BCL2L13: variants seen among roughly 807,000 people sequenced by gnomAD.
BCL2L13 encodes BCL2 like 13.
In BCL2L13, 13 loss-of-function variants were observed where a neutral mutation model predicts 25.8. That is an observed-to-expected ratio of 0.50 (90% CI 0.33 to 0.80). BCL2L13 has a LOEUF of 0.80. Ranked by LOEUF, BCL2L13 falls within the 30% of genes least tolerant of loss-of-function variation. BCL2L13 has a pLI of 0.02. For missense variants in BCL2L13, 504 were observed against 574.9 expected (o/e 0.88, Z 1.26); for synonymous variants, 244 against 230.3 (o/e 1.06, Z -0.54).
intron 2 of BCL2L13, among the ~76,000 whole-genome samples, chr22:17,665,352 C>T (rs1007134946): frequency 6.6e-6 from 1 of 152,184 alleles, no homozygotes; most frequent in Non-Finnish European, 1.5e-5. Context: ...GCATTTTGGT[C>T]AAAACCATTC....
chr22:17,713,186 C>T (rs1231237250), intron 6 of BCL2L13, among the ~76,000 whole-genome samples: 1 of 152,148 alleles, frequency 6.6e-6, no homozygotes, highest in Non-Finnish European at 1.5e-5. Flanking sequence ...TCCCCAACTG[C>T]ATAACAGACT....
chr22:17,685,543 A>G (rs985837166), intron 3 of BCL2L13, among the ~76,000 whole-genome samples: 2 of 151,880 alleles, frequency 1.3e-5, no homozygotes, highest in African/African-American at 4.8e-5. Context: ...TAATGTTTTC[A>G]AGGGTCATCC....
intron 2 of BCL2L13, among the ~76,000 whole-genome samples, chr22:17,679,459 G>A (rs552325699): frequency 3.4e-4 from 52 of 151,612 alleles, no homozygotes; most frequent in South Asian, 4.2e-4. Context: ...TAGTAGAGAC[G>A]GGATTTCACC....
intron 2 of BCL2L13, among the ~76,000 whole-genome samples, chr22:17,664,497 A>C (rs561158682): frequency 1.6e-4 from 24 of 152,066 alleles, no homozygotes; most frequent in African/African-American, 5.1e-4. Context: ...CAGTGGATCT[A>C]CCATTCTGGG....
intron 5 of BCL2L13, among the ~76,000 whole-genome samples, chr22:17,699,467 A>G (rs1382850357): frequency 1.3e-5 from 2 of 152,228 alleles, no homozygotes; most frequent in Non-Finnish European, 2.9e-5. Context: ...ATAGTGTACG[A>G]AGAGATGTCA....
intron 6 of BCL2L13, among the ~76,000 whole-genome samples, chr22:17,713,039 C>T (rs182681592): frequency 7.4e-4 from 113 of 152,292 alleles, no homozygotes; most frequent in Admixed American, 3.5e-3. Flanking sequence ...AAATCGATTA[C>T]AGCAGAATTA....
At chr22:17,649,480 T>A (rs953720007) in intron 1 of BCL2L13, among the ~76,000 whole-genome samples, 12 of 152,200 alleles carry the variant, frequency 7.9e-5, no homozygotes, top group African/African-American at 2.9e-4. Context: ...TTTTTTATTT[T>A]CTAGCAAAAG....
At chr22:17,638,748 G>C (rs1485978997), upstream of BCL2L13, 1 of 1,231,622 alleles carries the variant, frequency 8.1e-7, no homozygotes, top group African/African-American at 1.6e-5. Context: ...GGCACGCCGG[G>C]GTGACCTCAC....
At chr22:17,640,309 T>C (rs1259712033) in intron 1 of BCL2L13, among the ~76,000 whole-genome samples, 1 of 152,118 alleles carries the variant, frequency 6.6e-6, no homozygotes, top group African/African-American at 2.4e-5. Flanking sequence ...CTGTTCTGTA[T>C]TTTTTTTCCA....
chr22:17,715,841 C>A (rs944572656), intron 6 of BCL2L13, among the ~76,000 whole-genome samples: 1 of 152,036 alleles, frequency 6.6e-6, no homozygotes, highest in Non-Finnish European at 1.5e-5. Context: ...CCTTGGACAA[C>A]AAAGACACAG....
At chr22:17,710,905 T>A (rs188770200) in intron 6 of BCL2L13, among the ~76,000 whole-genome samples, 21 of 151,966 alleles carry the variant, frequency 1.4e-4, no homozygotes, top group African/African-American at 3.4e-4. Context: ...AAAAAATAAA[T>A]AAATAAATCT....
At chr22:17,672,337 T>G (rs925130879) in intron 2 of BCL2L13, among the ~76,000 whole-genome samples, 24 of 152,240 alleles carry the variant, frequency 1.6e-4, no homozygotes, top group African/African-American at 5.8e-4. Flanking sequence ...TATTTTGCTC[T>G]GGGAGCTCTA....
rs2146505290 is a variant in BCL2L13, at chr22:17,655,902, C to T, written c.121+70C>T. The stretch of plus-strand genomic sequence containing the variant: ...ACTTTATATATAAAAGTATATGTAT[C>T]TAATTTATATGTGTGGTTATCAAAT... On this transcript the variant is annotated intron_variant, in intron 2 of 6. Transcript: ENST00000317582. 10 of 1,406,248 alleles carry T rather than the reference C, an allele frequency of 7.1e-6. No homozygotes were observed. In the South Asian group the frequency reaches 8.3e-5, roughly 12 times the overall value. The allele number at this position is 1,406,248 out of a possible 1,614,324, so 87.1% of individuals were successfully genotyped here. A position where few individuals can be genotyped will look rare whatever the true frequency, so the allele number is the denominator to read the frequency against.
At chr22:17,632,228 AT>A (rs2058042345) in intron 1 of BCL2L13, among the ~76,000 whole-genome samples, 2 of 152,034 alleles carry the variant, frequency 1.3e-5, no homozygotes, top group African/African-American at 4.8e-5. Flanking sequence ...ACATGCTGCC[AT>A]TTTTTCCATT....
chr22:17,695,385 G>A (rs755576650), intron 4 of BCL2L13, among the ~76,000 whole-genome samples: 1 of 152,030 alleles, frequency 6.6e-6, no homozygotes, highest in Non-Finnish European at 1.5e-5. Flanking sequence ...TCAGTGGTGC[G>A]ATCTCGGCTC....
intron 1 of BCL2L13, among the ~76,000 whole-genome samples, chr22:17,645,451 G>A (rs779061530): frequency 1.3e-5 from 2 of 150,104 alleles, no homozygotes; most frequent in Non-Finnish European, 2.9e-5. Context: ...CTAACTCCTG[G>A]CCTCAAGTAA....
In BCL2L13 at chr22:17,673,662, C is replaced by T. The variant is rs1195706338; in HGVS notation, c.122-9552C>T. On this transcript the variant is annotated intron_variant, in intron 2 of 6. Transcript: ENST00000317582. Reference sequence around the variant, plus strand: ...AAAGTGCTGGGATTACAGGCATGAGCCACTGCGCCCGGCCTTATTTCTTTT... The same window carrying T: ...AAAGTGCTGGGATTACAGGCATGAGTCACTGCGCCCGGCCTTATTTCTTTT... Among the ~76,000 whole-genome samples, 5 of 152,108 alleles carry T rather than the reference C, an allele frequency of 3.3e-5. No individual in the cohort carries two copies. The East Asian group carries it at 9.6e-4, about 29-fold the overall frequency.
intron 6 of BCL2L13, among the ~76,000 whole-genome samples, chr22:17,712,566 A>T (rs1229798888): frequency 6.6e-6 from 1 of 152,236 alleles, no homozygotes; most frequent in East Asian, 1.9e-4. Flanking sequence ...GTTTTTGAAG[A>T]CATGACTTAA....
intron 2 of BCL2L13, among the ~76,000 whole-genome samples, chr22:17,668,882 T>C (rs2059324051): frequency 6.6e-6 from 1 of 152,226 alleles, no homozygotes; most frequent in Admixed American, 6.5e-5. Flanking sequence ...TAGCTCCCAA[T>C]GTGGCAGTAT....
Sources: allele counts gnomAD v4.1 joint callset (sites outside exome capture counted in the v4.1 genomes callset), GRCh38; gene constraint gnomAD v4.1.1; transcripts MANE v1.5; gene names NCBI Gene and HGNC (gene_info 2026-07-23, HGNC 2026-07-21).